The following NTM variants were observed in gnomAD, a reference collection of about 807,000 sequenced individuals.
The protein encoded by NTM is IgLON family member 2.
In NTM, 13 loss-of-function variants were observed where a neutral mutation model predicts 42.1. The ratio of observed to expected loss-of-function variants is 0.31; its 90% CI spans 0.20 to 0.49. The LOEUF is 0.49. Ranked by LOEUF, NTM falls within the 20% of genes least tolerant of loss-of-function variation. The pLI is 0.99. For synonymous variants in NTM, 187 were observed against 179.2 expected (o/e 1.04, Z -0.35); for missense variants, 373 against 452.8 (o/e 0.82, Z 1.60).
rs1179649885 is a variant in NTM at position 131,380,257 on chromosome 11, A to G, written c.82+9369A>G. ...AGATGGAGTCTCCTGCCTAGGCTTC[A>G]GATGCAATGGTGCCATCTCAGCTCA... On this transcript the variant is annotated intron_variant, in intron 1 of 8. Coordinates refer to ENST00000683400, the MANE Select transcript of NTM (RefSeq NM_001352005.2). 1.3e-4 allele frequency among the ~76,000 whole-genome samples: 19 copies of G among 144,224 alleles called. No homozygotes were observed. In the Admixed American group the frequency reaches 1.4e-3, roughly 10 times the overall value. 94.6% of individuals were successfully genotyped at this position (144,224 alleles called of 152,430 possible).
At chr11:131,489,958 C>T (rs918613129) in intron 1 of NTM, among the ~76,000 whole-genome samples, 5 of 152,340 alleles carry the variant, frequency 3.3e-5, no homozygotes, top group African/African-American at 4.8e-5. Context: ...AGCATGGCCC[C>T]AGCATCTGCT....
At chr11:131,555,643 C>T (rs534573434) in intron 1 of NTM, among the ~76,000 whole-genome samples, 1 of 152,154 alleles carries the variant, frequency 6.6e-6, no homozygotes, top group Non-Finnish European at 1.5e-5. Context: ...ATCAGATGGT[C>T]CCAGCTCAGT....
chr11:131,562,137 G>A (rs1565641777), intron 1 of NTM, among the ~76,000 whole-genome samples: 1 of 152,184 alleles, frequency 6.6e-6, no homozygotes, highest in East Asian at 1.9e-4. Flanking sequence ...GCAGGGCAGA[G>A]AGAAGGAGGA....
At chr11:131,803,637 A>G (rs1185195342) in intron 1 of NTM, among the ~76,000 whole-genome samples, 1 of 152,174 alleles carries the variant, frequency 6.6e-6, no homozygotes, top group Non-Finnish European at 1.5e-5. Flanking sequence ...TATCAAATAA[A>G]CTGGCTGAAT....
intron 4 of NTM, among the ~76,000 whole-genome samples, chr11:132,299,990 A>G (rs2140107204): frequency 6.6e-6 from 1 of 152,186 alleles, no homozygotes; most frequent in African/African-American, 2.4e-5. Context: ...TTAAGCTCTC[A>G]GCAGTTCTTA....
chr11:132,260,947 CAG>C lies in NTM; in HGVS notation c.527-46739_527-46738del, dbSNP rs143834992. ...ACCTACTTTCTTTAGGAAAGGGAGA[CAG>C]AGCCGTTGGCAGCTCAGATGTGAAA... On this transcript the variant is annotated intron_variant, in intron 4 of 8. Coordinates refer to ENST00000683400, the MANE Select transcript of NTM (RefSeq NM_001352005.2). Among the ~76,000 whole-genome samples the C allele has an allele frequency of 6.7e-3, 1,015 of 152,308 alleles. 11 individuals carry two copies. The highest frequency in any genetic ancestry group is 0.022 in the African/African-American group (898 of 41,560).
At chr11:132,062,618 A>G (rs2080854586) in intron 2 of NTM, among the ~76,000 whole-genome samples, 1 of 152,186 alleles carries the variant, frequency 6.6e-6, no homozygotes, top group South Asian at 2.1e-4. Context: ...CATTATGCAT[A>G]GCTATTTAGG....
At chr11:131,832,768 GTGTATGTGTATATGTA>G (rs2042981140) in intron 1 of NTM, among the ~76,000 whole-genome samples, 1 of 152,172 alleles carries the variant, frequency 6.6e-6, no homozygotes, top group South Asian at 2.1e-4. Context: ...CTGAGGGAAG[GTGTATGTGTATATGTA>G]TGTACGTGCA....
chr11:131,935,738 C>A (rs891924708), intron 2 of NTM, among the ~76,000 whole-genome samples: 2 of 152,132 alleles, frequency 1.3e-5, no homozygotes. Context: ...TAATTAGGAC[C>A]TCTTTCACTA....
At position 131,558,760 on chromosome 11, in the gene NTM, T is replaced by A. The variant is rs150559550; in HGVS notation, c.82+187872T>A. ...GGTTCACGTCTTTGAGAGGATAGTGTCAGCTGGAGGAGAAGGGGTGCCATC... is the reference window on the plus strand; with the variant it reads ...GGTTCACGTCTTTGAGAGGATAGTGACAGCTGGAGGAGAAGGGGTGCCATC... On this transcript the variant is annotated intron_variant, in intron 1 of 8. Transcript: ENST00000683400. Among the ~76,000 whole-genome samples the A allele has an allele frequency of 9.2e-3, 1,396 of 152,228 alleles. 6 individuals carry two copies. Among genetic ancestry groups the A allele is most frequent in the Non-Finnish European group, 0.015 (1,049 of 68,012 alleles).
At chr11:131,939,537 TCCA>T (rs1419329655) in intron 2 of NTM, among the ~76,000 whole-genome samples, 1 of 152,016 alleles carries the variant, frequency 6.6e-6, no homozygotes, top group African/African-American at 2.4e-5. Context: ...ATGAGAAAGT[TCCA>T]TCTCATCTGT....
At chr11:131,589,045 G>C (rs776883808) in intron 1 of NTM, among the ~76,000 whole-genome samples, 3 of 152,172 alleles carry the variant, frequency 2.0e-5, no homozygotes, top group Admixed American at 6.5e-5. Flanking sequence ...GTTGGTCTTC[G>C]TCCTGTAGGT....
intron 1 of NTM, among the ~76,000 whole-genome samples, chr11:131,849,194 A>G (rs140013897): frequency 6.6e-6 from 1 of 152,314 alleles, no homozygotes; most frequent in African/African-American, 2.4e-5. Context: ...CCCAGGAAAG[A>G]CTGTAATTTG....
At chr11:131,617,394 G>T (rs1371367457) in intron 1 of NTM, among the ~76,000 whole-genome samples, 1 of 152,160 alleles carries the variant, frequency 6.6e-6, no homozygotes, top group Non-Finnish European at 1.5e-5. Context: ...CGATTCTACT[G>T]CGATTGTGAT....
In NTM at chr11:132,330,031, A is replaced by G. The variant is rs372841092; in HGVS notation, c.935-122A>G. On this transcript the variant is annotated intron_variant, in intron 7 of 8. Transcript: ENST00000683400. ...GGTCAGGACAGCAAGGGACATGGGC[A>G]AGAGGCGCAGGGACGCTGCTGCGCC... 49 of 1,462,054 alleles carry G rather than the reference A, an allele frequency of 3.4e-5. 1 individual carries two copies. In the South Asian group the frequency reaches 3.5e-4, roughly 10 times the overall value. 90.6% of individuals were successfully genotyped at this position (1,462,054 alleles called of 1,614,324 possible). A position where few individuals can be genotyped will look rare whatever the true frequency, so the allele number is the denominator to read the frequency against.
chr11:131,948,370 A>AAAAAAAAC (rs2060590667), intron 2 of NTM, among the ~76,000 whole-genome samples: 1 of 75,512 alleles, frequency 1.3e-5, no homozygotes, highest in African/African-American at 5.6e-5. Flanking sequence ...ATCTCAAAAA[A>AAAAAAAAC]AACAAAAAAA....
chr11:132,173,008 C>G (rs2076318735), intron 3 of NTM, among the ~76,000 whole-genome samples: 1 of 152,192 alleles, frequency 6.6e-6, no homozygotes, highest in African/African-American at 2.4e-5. Context: ...CATCCTATAG[C>G]TCTCAATGTC....
At chr11:131,466,494 A>G (rs1951912260) in intron 1 of NTM, among the ~76,000 whole-genome samples, 1 of 152,176 alleles carries the variant, frequency 6.6e-6, no homozygotes, top group Non-Finnish European at 1.5e-5. Context: ...AAAAGTGACA[A>G]CTAAGGTCAG....
intron 2 of NTM, among the ~76,000 whole-genome samples, chr11:131,915,841 G>A (rs913630117): frequency 6.6e-6 from 1 of 152,130 alleles, no homozygotes; most frequent in Admixed American, 6.5e-5. Flanking sequence ...GAGCAGTATG[G>A]GGAAAACTGC....
Sources: gnomAD v4.1 joint callset for allele counts (sites outside exome capture counted in the v4.1 genomes callset) on GRCh38, gnomAD v4.1.1 for gene constraint, MANE v1.5 for transcripts, NCBI Gene and HGNC (gene_info 2026-07-23, HGNC 2026-07-21) for gene names.